ACTR3: variants seen among roughly 807,000 people sequenced by gnomAD.
ACTR3 encodes actin-related protein 3.
In ACTR3, 12 loss-of-function variants were observed where a neutral mutation model predicts 56.8. The observed-to-expected ratio is 0.21, with a 90% confidence interval of 0.14 to 0.34. ACTR3 has a LOEUF of 0.34. Among genes scored for constraint, ACTR3 ranks in the 10% least tolerant of loss-of-function variants. ACTR3 has a pLI of 1.00. For synonymous variants in ACTR3, 162 were observed against 167.4 expected, an observed-to-expected ratio of 0.97 and a Z score of 0.25; for missense variants, 282 against 512.5, an observed-to-expected ratio of 0.55 and a Z score of 4.34.
intron 3 of ACTR3, among the ~76,000 whole-genome samples, chr2:113,926,011 T>C (rs1679613554): frequency 6.6e-6 from 1 of 152,182 alleles, no homozygotes; most frequent in Admixed American, 6.5e-5. Context: ...GTTTATTAAA[T>C]ACCTAGGTCC....
intron 4 of ACTR3, among the ~76,000 whole-genome samples, chr2:113,930,095 T>C (rs1308327862): frequency 1.3e-5 from 2 of 152,216 alleles, no homozygotes; most frequent in Non-Finnish European, 2.9e-5. Flanking sequence ...TGTACGATTG[T>C]TATTATTAGC....
At chr2:113,941,396 A>G (rs1194592885) in intron 7 of ACTR3, among the ~76,000 whole-genome samples, 2 of 152,192 alleles carry the variant, frequency 1.3e-5, no homozygotes, top group African/African-American at 4.8e-5. Flanking sequence ...TGTCATTCTC[A>G]CTTCCAAGGT....
At chr2:113,919,801 G>A (rs1186346306) in intron 3 of ACTR3, among the ~76,000 whole-genome samples, 1 of 133,608 alleles carries the variant, frequency 7.5e-6, no homozygotes, top group Non-Finnish European at 1.5e-5. Context: ...TTGCAGTGCA[G>A]TGGCACAATC....
At chr2:113,916,741 T>C (rs1270320673) in intron 2 of ACTR3, 143 bp from the exon 3 acceptor site, 2 of 605,870 alleles carry the variant, frequency 3.3e-6, no homozygotes, top group Non-Finnish European at 4.9e-6. Flanking sequence ...TGGTTTCTTA[T>C]GACTTTTGTG....
At chr2:113,946,402 T>C (rs1356024122) in intron 8 of ACTR3, among the ~76,000 whole-genome samples, 1 of 152,134 alleles carries the variant, frequency 6.6e-6, no homozygotes, top group Non-Finnish European at 1.5e-5. Context: ...ATAATAGCCA[T>C]TCTGACTGGT....
At chr2:113,923,637 TTTTG>T (rs1173266624) in intron 3 of ACTR3, among the ~76,000 whole-genome samples, 1 of 152,032 alleles carries the variant, frequency 6.6e-6, no homozygotes, top group African/African-American at 2.4e-5. Context: ...GCCCGGCCTG[TTTTG>T]TTTGTTTTTA....
chr2:113,901,314 C>T (rs185729371), intron 1 of ACTR3, among the ~76,000 whole-genome samples: 103 of 152,322 alleles, frequency 6.8e-4, no homozygotes, highest in Non-Finnish European at 1.2e-3. Flanking sequence ...GCCAAGATCG[C>T]GCTGTCGCAC....
At chr2:113,914,538 G>A (rs1046884382) in intron 2 of ACTR3, among the ~76,000 whole-genome samples, 1 of 150,944 alleles carries the variant, frequency 6.6e-6, no homozygotes, top group South Asian at 2.1e-4. Context: ...TCGAACCCGG[G>A]AGGTGGAGGT....
chr2:113,923,710 C>G (rs1221349457), intron 3 of ACTR3, among the ~76,000 whole-genome samples: 4 of 149,668 alleles, frequency 2.7e-5, no homozygotes, highest in Non-Finnish European at 4.4e-5. Context: ...GTTGGTTTCT[C>G]TAGGCACTGC....
In ACTR3 at chr2:113,958,344, AAC is replaced by A. The variant is rs1256648929; in HGVS notation, c.*891_*892del. 6.6e-6 allele frequency: 1 copy of A among 152,586 alleles called. No individual in the cohort carries two copies. Among genetic ancestry groups the A allele is most frequent in the Non-Finnish European group, 1.5e-5 (1 of 67,982 alleles). The allele number at this position is 152,586 out of a possible 1,614,324, so 9.5% of individuals were successfully genotyped here. ...TTCTGCAATAGTTCTTTAAAATCACAACAGTTAGCAAGCTGACTTTTGTAATG... is the reference window on the plus strand; with the variant it reads ...TTCTGCAATAGTTCTTTAAAATCACAAGTTAGCAAGCTGACTTTTGTAATG... On this transcript the variant is annotated 3_prime_UTR_variant, in exon 12 of 12. Coordinates refer to ENST00000263238, the MANE Select transcript of ACTR3 (RefSeq NM_005721.5).
Position 113,960,861 on chromosome 2 carries a change from A to C in ACTR3, c.*3406A>C, listed in dbSNP as rs1680312877. The C allele has an allele frequency of 6.6e-6, 1 of 152,024 alleles. No individual in the cohort carries two copies. Among genetic ancestry groups the C allele is most frequent in the South Asian group, 2.1e-4 (1 of 4,832 alleles). The allele number at this position is 152,024 out of a possible 1,614,324, so 9.4% of individuals were successfully genotyped here. A position where few individuals can be genotyped will look rare whatever the true frequency, so the allele number is the denominator to read the frequency against. ...CAAAATCTGTGCAGACTCTGGGAGC[A>C]AAATGTTCTACTCAGTTTGGAATAC... is the stretch of plus-strand genomic sequence containing the variant. On this transcript the variant is annotated 3_prime_UTR_variant, in exon 12 of 12. Transcript: ENST00000263238.
chr2:113,946,480 T>C (rs1405127246), intron 8 of ACTR3, among the ~76,000 whole-genome samples: 2 of 152,154 alleles, frequency 1.3e-5, no homozygotes. Context: ...GAGCTTTTTT[T>C]CTTAAGATTT....
At chr2:113,902,582 G>C (rs796694674) in intron 1 of ACTR3, among the ~76,000 whole-genome samples, 3 of 151,104 alleles carry the variant, frequency 2.0e-5, no homozygotes, top group African/African-American at 7.3e-5. Flanking sequence ...AGATCACAAA[G>C]AGACATTTTT....
intron 7 of ACTR3, 110 bp downstream of exon 7, chr2:113,940,212 C>A (rs2104617855): frequency 3.1e-6 from 3 of 976,022 alleles, no homozygotes; most frequent in East Asian, 2.9e-5. Flanking sequence ...TCTTGTTAAC[C>A]AGTTATAAAT....
At position 113,890,201 on chromosome 2, in the gene ACTR3, C is replaced by T. The variant is rs915967714; in HGVS notation, c.-79C>T. ...CCCAGCTGTGGATGGTCAGATAGCC[C>T]TTGTCTCCCGCCGCCAATCTCTGGC... On this transcript the variant is annotated 5_prime_UTR_variant, in exon 1 of 12. Transcript: ENST00000263238. The T allele has an allele frequency of 1.9e-6, 3 of 1,542,264 alleles. No homozygotes were observed. The highest frequency in any genetic ancestry group is 2.6e-6 in the Non-Finnish European group (3 of 1,138,848).
At chr2:113,940,758 A>G (rs1213866956) in intron 7 of ACTR3, among the ~76,000 whole-genome samples, 3 of 145,596 alleles carry the variant, frequency 2.1e-5, no homozygotes, top group African/African-American at 7.6e-5. Flanking sequence ...CTCTGTTTCC[A>G]TGGTTTTTTT....
At chr2:113,931,240 G>A in intron 4 of ACTR3, 61 bp from the exon 5 acceptor site, 2 of 1,028,450 alleles carry the variant, frequency 1.9e-6, no homozygotes, top group South Asian at 3.8e-5. Context: ...TTTAAAAATT[G>A]TCAAGAAAGT....
intron 3 of ACTR3, among the ~76,000 whole-genome samples, chr2:113,919,835 A>G (rs570812099): frequency 6.6e-6 from 1 of 152,150 alleles, no homozygotes; most frequent in Non-Finnish European, 1.5e-5. Context: ...TGCAGCCTCA[A>G]ACTTCTGGAC....
intron 1 of ACTR3, among the ~76,000 whole-genome samples, chr2:113,903,537 CT>C (rs377634915): frequency 0.21 from 28,631 of 135,116 alleles, 5,819 homozygotes; most frequent in African/African-American, 0.55. Context: ...TGCTAATTGT[CT>C]TTTTTTTTTT....
Sources: gnomAD v4.1 joint callset for allele counts (sites outside exome capture counted in the v4.1 genomes callset) on GRCh38, gnomAD v4.1.1 for gene constraint, MANE v1.5 for transcripts, NCBI Gene and HGNC (gene_info 2026-07-23, HGNC 2026-07-21) for gene names.